Variants in ADAMTSL3 observed in about 807,000 individuals in gnomAD.
ADAMTSL3 encodes the protein ADAMTS-like protein 3.
In ADAMTSL3, 128 loss-of-function variants were observed where a neutral mutation model predicts 201.7. The observed-to-expected ratio is 0.63, with a 90% CI of 0.55 to 0.73. ADAMTSL3 has a LOEUF of 0.73. Among genes scored for constraint, ADAMTSL3 ranks in the 30% least tolerant of loss-of-function variants. ADAMTSL3 has a pLI of 0.00. For synonymous variants in ADAMTSL3, 738 were observed against 748.4 expected (o/e 0.99, Z 0.23); for missense variants, 1,990 against 2,119.6 (o/e 0.94, Z 1.20).
intron 19 of ADAMTSL3, among the ~76,000 whole-genome samples, chr15:83,965,911 A>G (rs1474236939): frequency 6.6e-6 from 1 of 152,232 alleles, no homozygotes; most frequent in African/African-American, 2.4e-5. Context: ...ATGGAAACTG[A>G]AGAACCTGCT....
rs1054009978 is a variant in ADAMTSL3, at chr15:83,899,522, A to G, written c.1616-125A>G. 15 of 851,760 alleles carry G rather than the reference A, an allele frequency of 1.8e-5. No individual in the cohort carries two copies. The East Asian group carries it at 3.9e-4, about 22-fold the overall frequency. 52.8% of individuals were successfully genotyped at this position (851,760 alleles called of 1,614,324 possible). On this transcript the variant is annotated intron_variant, in intron 14 of 29. Coordinates refer to ENST00000286744, the MANE Select transcript of ADAMTSL3 (RefSeq NM_207517.3). The stretch of plus-strand genomic sequence containing the variant: ...GCCACCTAATGTATTGTACTAAGGA[A>G]CTCAACTTGCATTTGAAAAACATGA...
chr15:83,897,777 G>A (rs1010173687), intron 13 of ADAMTSL3, 81 bp from the exon 14 acceptor site: 1 of 1,436,282 alleles, frequency 7.0e-7, no homozygotes, highest in Non-Finnish European at 9.3e-7. Context: ...TAGTTCAATG[G>A]CTCTCCTTTG....
intron 4 of ADAMTSL3, among the ~76,000 whole-genome samples, chr15:83,795,779 T>A (rs1379500984): frequency 6.6e-6 from 1 of 152,184 alleles, no homozygotes; most frequent in Non-Finnish European, 1.5e-5. Flanking sequence ...TGAAAATTGA[T>A]CTTGTAGCCT....
At chr15:83,667,676 C>T (rs1403922549) in intron 2 of ADAMTSL3, among the ~76,000 whole-genome samples, 1 of 151,734 alleles carries the variant, frequency 6.6e-6, no homozygotes, top group African/African-American at 2.4e-5. Context: ...AATTGGTGGC[C>T]CTGAGTGGGT....
At chr15:83,926,577 A>T (rs540123941) in intron 17 of ADAMTSL3, among the ~76,000 whole-genome samples, 1 of 151,444 alleles carries the variant, frequency 6.6e-6, no homozygotes, top group South Asian at 2.1e-4. Flanking sequence ...TGCAAATATC[A>T]TCGTTTCCTT....
intron 7 of ADAMTSL3, among the ~76,000 whole-genome samples, chr15:83,850,466 A>G (rs112007876): frequency 1.7e-4 from 25 of 150,666 alleles, no homozygotes; most frequent in Admixed American, 4.0e-4. Flanking sequence ...ATGTTTATAT[A>G]TGTGTATGTA....
intron 28 of ADAMTSL3, among the ~76,000 whole-genome samples, chr15:84,032,643 A>G (rs1294722252): frequency 6.6e-6 from 1 of 152,198 alleles, no homozygotes; most frequent in Non-Finnish European, 1.5e-5. Flanking sequence ...TATTATAGAT[A>G]ATTCCCATCA....
At chr15:83,788,021 A>G (rs1454694072) in intron 4 of ADAMTSL3, among the ~76,000 whole-genome samples, 1 of 152,172 alleles carries the variant, frequency 6.6e-6, no homozygotes, top group African/African-American at 2.4e-5. Flanking sequence ...TTATGCCTCT[A>G]TACTATTCAC....
chr15:83,992,239 C>G (rs948064044), intron 23 of ADAMTSL3, among the ~76,000 whole-genome samples: 1 of 152,166 alleles, frequency 6.6e-6, no homozygotes, highest in African/African-American at 2.4e-5. Flanking sequence ...CTTTCAGGCT[C>G]TCCCTCCACT....
chr15:83,669,302 C>A (rs561352386), intron 2 of ADAMTSL3, among the ~76,000 whole-genome samples: 1 of 151,976 alleles, frequency 6.6e-6, no homozygotes, highest in Non-Finnish European at 1.5e-5. Context: ...TGCACCACCA[C>A]GCGCGGCTAA....
intron 7 of ADAMTSL3, among the ~76,000 whole-genome samples, chr15:83,848,526 G>T (rs2064547374): frequency 6.6e-6 from 1 of 152,182 alleles, no homozygotes; most frequent in Admixed American, 6.5e-5. Context: ...GTGAATCTTA[G>T]GTCAGTCCAG....
intron 17 of ADAMTSL3, among the ~76,000 whole-genome samples, chr15:83,937,551 A>T (rs1021230730): frequency 3.3e-5 from 5 of 150,752 alleles, no homozygotes; most frequent in African/African-American, 1.2e-4. Flanking sequence ...AAAAGTACCT[A>T]CCAGGTACTA....
rs530641170 is a variant in ADAMTSL3 at position 83,721,426 on chromosome 15, A to C, written c.189+16918A>C. Among the ~76,000 whole-genome samples, 3 of 152,346 alleles carry C rather than the reference A, an allele frequency of 2.0e-5. No individual in the cohort carries two copies. In the South Asian group the frequency reaches 6.2e-4, roughly 32 times the overall value. ...CACAGTCACATTGTCCCATCTGCAC[A>C]CAGGGAGAACTCTGACGCTTCAGAC... On this transcript the variant is annotated intron_variant, in intron 3 of 29. Transcript: ENST00000286744.
chr15:83,913,107 C>G lies in ADAMTSL3; in HGVS notation c.1716C>G (p.Pro572=). Residue 572 remains proline (P), a synonymous_variant, in exon 16 of 30, where the codon CCC becomes CCG. Transcript: ENST00000286744. ...TTTTCCCTAGGTTCATTCCAGAACC[C>G]TGGTCAGCCTGCAGTACCACGTGTG... ...ATEEPTFIPE[P]WSACSTTCGP... 1.9e-6 allele frequency: 3 copies of G among 1,614,026 alleles called. No individual in the cohort carries two copies. Among genetic ancestry groups the G allele is most frequent in the Non-Finnish European group, 2.5e-6 (3 of 1,180,010 alleles).
chr15:83,913,105 C>A lies in ADAMTSL3; in HGVS notation c.1714C>A (p.Pro572Thr). The A allele has an allele frequency of 6.2e-7, 1 of 1,614,038 alleles. No homozygotes were observed. Among genetic ancestry groups the A allele is most frequent in the Non-Finnish European group, 8.5e-7 (1 of 1,180,004 alleles). The change falls in exon 16 of 30, where the codon CCC becomes ACC. Residue 572 changes from proline (P) to threonine (T), a missense_variant. Transcript: ENST00000286744. ...GGTTTTCCCTAGGTTCATTCCAGAA[C>A]CCTGGTCAGCCTGCAGTACCACGTG... Reference protein sequence around the residue: ...ATEEPTFIPEPWSACSTTCGP... With the variant: ...ATEEPTFIPETWSACSTTCGP...
intron 8 of ADAMTSL3, among the ~76,000 whole-genome samples, chr15:83,864,178 A>T (rs1018020720): frequency 6.6e-6 from 1 of 152,370 alleles, no homozygotes; most frequent in East Asian, 1.9e-4. Context: ...GAATTCTACC[A>T]GAAGTACAAG....
At position 83,996,705 on chromosome 15, in the gene ADAMTSL3, C is replaced by G. The variant is rs543016981; in HGVS notation, c.3973+5491C>G. Among the ~76,000 whole-genome samples, 362 of 141,272 alleles carry G rather than the reference C, an allele frequency of 2.6e-3. 2 individuals are homozygous for G. The highest frequency in any genetic ancestry group is 3.0e-3 in the Non-Finnish European group (202 of 67,056). The allele number at this position is 141,272 out of a possible 152,430, so 92.7% of individuals were successfully genotyped here. A position where few individuals can be genotyped will look rare whatever the true frequency, so the allele number is the denominator to read the frequency against. ...CTGAGGCAGGAGAATGGTGTGAACCCAGGAGGCGGAGGTTGCAGTGAGCAG... is the reference window on the plus strand; with the variant it reads ...CTGAGGCAGGAGAATGGTGTGAACCGAGGAGGCGGAGGTTGCAGTGAGCAG... On this transcript the variant is annotated intron_variant, in intron 23 of 29. Coordinates refer to ENST00000286744, the MANE Select transcript of ADAMTSL3 (RefSeq NM_207517.3).
chr15:83,841,659 AG>A lies in ADAMTSL3; in HGVS notation c.727+3451del, dbSNP rs112661021. Among the ~76,000 whole-genome samples the A allele has an allele frequency of 7.7e-3, 1,149 of 148,940 alleles. 10 individuals are homozygous for A. Among genetic ancestry groups the A allele is most frequent in the African/African-American group, 0.026 (1,061 of 40,448 alleles). ...CTAAAGGATGTCACACTGATACGGGAGGGGGGGCAGGAAATTGAAGGGCGGG... is the reference window on the plus strand; with the variant it reads ...CTAAAGGATGTCACACTGATACGGGAGGGGGGCAGGAAATTGAAGGGCGGG... On this transcript the variant is annotated intron_variant, in intron 7 of 29. Coordinates refer to ENST00000286744, the MANE Select transcript of ADAMTSL3 (RefSeq NM_207517.3).
rs1236507385 is a variant in ADAMTSL3 at position 83,820,718 on chromosome 15, T to C, written c.600+671T>C. ...CCAGCAGATTTTTCAGAGTGGTCTC[T>C]GCAGAGCTGTGACAAATGTGACTGA... is the stretch of plus-strand genomic sequence containing the variant. On this transcript the variant is annotated intron_variant, in intron 6 of 29. Coordinates refer to ENST00000286744, the MANE Select transcript of ADAMTSL3 (RefSeq NM_207517.3). Among the ~76,000 whole-genome samples, 5 of 152,352 alleles carry C rather than the reference T, an allele frequency of 3.3e-5. No individual in the cohort carries two copies. In the East Asian group the frequency reaches 9.6e-4, roughly 29 times the overall value.
Sources: allele counts gnomAD v4.1 joint callset (sites outside exome capture counted in the v4.1 genomes callset), GRCh38; gene constraint gnomAD v4.1.1; transcripts MANE v1.5; gene names NCBI Gene and HGNC (gene_info 2026-07-23, HGNC 2026-07-21).